The following CUX1 variants were observed in gnomAD, a reference collection of about 807,000 sequenced individuals.
CUX1 encodes the protein cut like homeobox 1, also known as protein CASP.
Under a neutral mutation model 158.8 loss-of-function variants are expected in CUX1, and 31 were observed. The ratio of observed to expected loss-of-function variants is 0.20; its 90% confidence interval spans 0.15 to 0.26. The LOEUF (loss-of-function observed/expected upper bound fraction) is 0.26. Among genes scored for constraint, CUX1 ranks in the 10% least tolerant of loss-of-function variants. The pLI, the probability that CUX1 is intolerant of heterozygous loss-of-function variation, is 1.00. For synonymous variants in CUX1, 879 were observed against 862.1 expected (o/e 1.02, Z -0.34); for missense variants, 1,589 against 2,014.6 (o/e 0.79, Z 4.04).
chr7:102,067,324 C>T (rs752817109), intron 3 of CUX1, among the ~76,000 whole-genome samples: 104 of 150,906 alleles, frequency 6.9e-4, no homozygotes, highest in Non-Finnish European at 4.3e-4. Flanking sequence ...CCTCCACCTC[C>T]GGAGTACAAA....
upstream of CUX1, chr7:101,816,849 C>G (rs1791868722): frequency 2.1e-6 from 2 of 933,928 alleles, no homozygotes; most frequent in Non-Finnish European, 2.5e-6. Flanking sequence ...CGGCCCCGGC[C>G]GCCGCCCCCG....
chr7:102,280,676 C>T (rs1188848991), intron 19 of CUX1: 3 of 861,818 alleles, frequency 3.5e-6, no homozygotes, highest in South Asian at 1.6e-5. Flanking sequence ...AGCACCCTGG[C>T]AGCCCCCTGG....
intron 2 of CUX1, among the ~76,000 whole-genome samples, chr7:101,997,768 A>G (rs1380013691): frequency 6.6e-6 from 1 of 152,156 alleles, no homozygotes; most frequent in Non-Finnish European, 1.5e-5. Context: ...TGCGGATTGC[A>G]GGACTGTGCC....
At chr7:101,889,506 C>T (rs1800625711) in intron 1 of CUX1, among the ~76,000 whole-genome samples, 1 of 152,134 alleles carries the variant, frequency 6.6e-6, no homozygotes, top group Non-Finnish European at 1.5e-5. Context: ...TGCAGTGGTT[C>T]ACACCTGTCA....
chr7:102,194,958 AG>A (rs1422129797), intron 13 of CUX1, among the ~76,000 whole-genome samples: 1 of 152,096 alleles, frequency 6.6e-6, no homozygotes, highest in Non-Finnish European at 1.5e-5. Flanking sequence ...CAGGAGCCAG[AG>A]GGTACAGTGA....
intron 2 of CUX1, among the ~76,000 whole-genome samples, chr7:102,014,182 G>C (rs1012101057): frequency 6.6e-6 from 1 of 152,102 alleles, no homozygotes; most frequent in African/African-American, 2.4e-5. Flanking sequence ...ACAAGAGACC[G>C]ACCTCTGTGG....
intron 2 of CUX1, among the ~76,000 whole-genome samples, chr7:101,958,998 G>A (rs1810123024): frequency 6.6e-6 from 1 of 151,480 alleles, no homozygotes; most frequent in African/African-American, 2.4e-5. Flanking sequence ...TAGGACTACA[G>A]GCTCATGCCA....
intron 2 of CUX1, among the ~76,000 whole-genome samples, chr7:101,978,979 A>G (rs916405033): frequency 1.1e-4 from 17 of 152,198 alleles, no homozygotes; most frequent in Non-Finnish European, 1.8e-4. Context: ...GCTGGATTCT[A>G]TGTGGGAAGC....
chr7:102,041,116 G>A (rs1296988061), intron 3 of CUX1, among the ~76,000 whole-genome samples: 1 of 150,916 alleles, frequency 6.6e-6, no homozygotes, highest in Non-Finnish European at 1.5e-5. Flanking sequence ...GTGAAACCCT[G>A]TCTCTACTAA....
chr7:101,887,643 T>C (rs1187659931), intron 1 of CUX1, among the ~76,000 whole-genome samples: 2 of 151,830 alleles, frequency 1.3e-5, no homozygotes, highest in African/African-American at 2.4e-5. Context: ...GGATAAGGGC[T>C]CCCCATGACA....
intron 10 of CUX1, among the ~76,000 whole-genome samples, chr7:102,177,980 TCTCCCGAGTTCAAGTGATTCTCCTC>T (rs1792577590): frequency 6.6e-6 from 1 of 151,962 alleles, no homozygotes; most frequent in African/African-American, 2.4e-5. Context: ...GCAACCTTCT[TCTCCCGAGTTCAAGTGATTCTCCTC>T]CTCAGCCTCC....
chr7:101,884,175 G>A (rs1270734685), intron 1 of CUX1, among the ~76,000 whole-genome samples: 1 of 152,216 alleles, frequency 6.6e-6, no homozygotes, highest in African/African-American at 2.4e-5. Context: ...GATTATAGGT[G>A]TGAGCCATGC....
intron 21 of CUX1, among the ~76,000 whole-genome samples, chr7:102,228,512 A>G (rs1798583100): frequency 6.6e-6 from 1 of 152,154 alleles, no homozygotes; most frequent in Admixed American, 6.6e-5. Context: ...TTTAAAAATT[A>G]GGCCGGGCAT....
In CUX1 at chr7:102,252,108, T is replaced by TC. The variant is rs1801579259; in HGVS notation, c.*3068dup. 4.1e-6 allele frequency: 4 copies of TC among 984,178 alleles called. No individual in the cohort carries two copies. The Admixed American group carries it at 1.8e-4, about 45-fold the overall frequency. The allele number at this position is 984,178 out of a possible 1,614,324, so 61.0% of individuals were successfully genotyped here. On this transcript the variant is annotated 3_prime_UTR_variant, in exon 24 of 24. Transcript: ENST00000292535. ...TGCTTGCAGTTCTGTGTATTTTTTT[T>TC]CCTCTATTATTTATTTTTTTAAAAA...
intron 10 of CUX1, among the ~76,000 whole-genome samples, chr7:102,177,188 T>A (rs1340923960): frequency 6.6e-6 from 1 of 151,526 alleles, no homozygotes; most frequent in Non-Finnish European, 1.5e-5. Flanking sequence ...CCAAGGTGGG[T>A]GGATCACTTG....
intron 3 of CUX1, among the ~76,000 whole-genome samples, chr7:102,041,666 A>ATTT (rs1246831975): frequency 3.7e-4 from 39 of 104,912 alleles, no homozygotes; most frequent in African/African-American, 8.1e-4. Context: ...CTCCCTTTTG[A>ATTT]TTTTTTTTTT....
At chr7:102,242,736 A>C (rs1486557273) in intron 23 of CUX1, among the ~76,000 whole-genome samples, 2 of 152,198 alleles carry the variant, frequency 1.3e-5, no homozygotes, top group African/African-American at 4.8e-5. Flanking sequence ...AACAGGCCTC[A>C]GCTGCATGGC....
intron 8 of CUX1, among the ~76,000 whole-genome samples, chr7:102,151,063 A>G (rs1205736864): frequency 6.6e-6 from 1 of 152,202 alleles, no homozygotes; most frequent in Non-Finnish European, 1.5e-5. Flanking sequence ...GAGAATGAAA[A>G]ATCTTTGGAA....
intron 11 of CUX1, among the ~76,000 whole-genome samples, chr7:102,179,376 G>C (rs1279836017): frequency 6.6e-6 from 1 of 152,120 alleles, no homozygotes; most frequent in Non-Finnish European, 1.5e-5. Context: ...GGGCATCCTA[G>C]CTTTCTGAGG....
Sources: gnomAD v4.1 joint callset for allele counts (sites outside exome capture counted in the v4.1 genomes callset) on GRCh38, gnomAD v4.1.1 for gene constraint, MANE v1.5 for transcripts, NCBI Gene and HGNC (gene_info 2026-07-23, HGNC 2026-07-21) for gene names.